COL4A1: variants seen among roughly 807,000 people sequenced by gnomAD.
The protein encoded by COL4A1 is collagen type IV alpha 1 chain.
In COL4A1, 40 loss-of-function variants were observed where a neutral mutation model predicts 216.6. The observed-to-expected ratio is 0.18, with a 90% CI of 0.14 to 0.24. The LOEUF is 0.24. Among genes scored for constraint, COL4A1 ranks in the 10% least tolerant of loss-of-function variants. The probability of loss-of-function intolerance (pLI) is 1.00; values close to 1 mark genes in which losing one functional copy is unlikely to be tolerated. For missense variants in COL4A1, 1,628 were observed against 2,196.8 expected, an observed-to-expected ratio of 0.74 and a Z score of 5.18; for synonymous variants, 839 against 810.7, an observed-to-expected ratio of 1.03 and a Z score of -0.59.
rs1268295103 is a variant in COL4A1 at position 110,224,803 on chromosome 13, G to A, written c.145-10788C>T. 2.6e-5 allele frequency among the ~76,000 whole-genome samples: 4 copies of A among 152,188 alleles called. No individual in the cohort carries two copies. The East Asian group carries it at 7.7e-4, about 29-fold the overall frequency. On this transcript the variant is annotated intron_variant, in intron 2 of 51. Coordinates refer to ENST00000375820, the MANE Select transcript of COL4A1 (RefSeq NM_001845.6). ...AACTTAATAATGTATGTGGGTGTGGGGCAGCGTTGTGGAACAAAACGAGGA... is the reference window on the plus strand; with the variant it reads ...AACTTAATAATGTATGTGGGTGTGGAGCAGCGTTGTGGAACAAAACGAGGA...
At chr13:110,195,634 G>A (rs1037243684) in intron 21 of COL4A1, among the ~76,000 whole-genome samples, 6 of 152,274 alleles carry the variant, frequency 3.9e-5, no homozygotes, top group Admixed American at 3.9e-4. Context: ...TCAATTCTGA[G>A]CATCATTTAT....
At chr13:110,231,743 C>G (rs114723504) in intron 2 of COL4A1, among the ~76,000 whole-genome samples, 1 of 152,122 alleles carries the variant, frequency 6.6e-6, no homozygotes. Flanking sequence ...TTTACTGGCT[C>G]TACTATAGAC....
intron 13 of COL4A1, 81 bp from the exon 14 acceptor site, chr13:110,206,972 A>G (rs575839577): frequency 1.4e-6 from 2 of 1,434,756 alleles, no homozygotes; most frequent in African/African-American, 1.4e-5. Flanking sequence ...CACAGCAGAA[A>G]AAAAAAAAAC....
intron 1 of COL4A1, among the ~76,000 whole-genome samples, chr13:110,278,925 TTTTCC>T (rs1883522436): frequency 6.6e-6 from 1 of 152,108 alleles, no homozygotes; most frequent in South Asian, 2.1e-4. Context: ...AAATCATGTT[TTTTCC>T]TGTAAAATAT....
intron 2 of COL4A1, among the ~76,000 whole-genome samples, chr13:110,221,236 C>T (rs908279670): frequency 1.3e-5 from 2 of 152,136 alleles, no homozygotes; most frequent in Non-Finnish European, 2.9e-5. Context: ...AGGAGATGCA[C>T]AGTGAATATT....
intron 12 of COL4A1, among the ~76,000 whole-genome samples, chr13:110,208,363 C>T (rs1321974602): frequency 6.6e-6 from 1 of 152,154 alleles, no homozygotes; most frequent in African/African-American, 2.4e-5. Flanking sequence ...CCACTGCCAA[C>T]CGTGCTAGTC....
At chr13:110,236,534 C>T (rs1881324428) in intron 2 of COL4A1, among the ~76,000 whole-genome samples, 1 of 152,182 alleles carries the variant, frequency 6.6e-6, no homozygotes. Context: ...GATGCCTCTT[C>T]CAGATGTGGA....
intron 2 of COL4A1, among the ~76,000 whole-genome samples, chr13:110,215,045 G>A (rs1879999954): frequency 6.6e-6 from 1 of 152,170 alleles, no homozygotes; most frequent in Non-Finnish European, 1.5e-5. Flanking sequence ...GTTTTTCACT[G>A]AACTGGTTAT....
At chr13:110,241,403 T>C (rs970341966) in intron 2 of COL4A1, among the ~76,000 whole-genome samples, 9 of 152,228 alleles carry the variant, frequency 5.9e-5, no homozygotes, top group African/African-American at 1.9e-4. Flanking sequence ...TTCCTCTTTG[T>C]TGGGACCCCA....
In COL4A1 at chr13:110,161,666, C is replaced by CAG. The variant is rs113466690; in HGVS notation, c.4463-299_4463-298dup. ...TTTCACAACAGTTTTGCAGAAAATG[C>CAG]AGATGCTCTTTCTATAGCAGCTTGC... is the stretch of plus-strand genomic sequence containing the variant. On this transcript the variant is annotated intron_variant, in intron 48 of 51. Transcript: ENST00000375820. Among the ~76,000 whole-genome samples, 22,484 of 152,190 alleles carry CAG rather than the reference C, an allele frequency of 0.15. 1,815 individuals are homozygous for CAG. The highest frequency in any genetic ancestry group is 0.32 in the East Asian group (1,678 of 5,180).
At chr13:110,183,163 G>A (rs1334397656) in intron 27 of COL4A1, 21 bp downstream of exon 27, 5 of 1,613,258 alleles carry the variant, frequency 3.1e-6, no homozygotes, top group African/African-American at 1.3e-5. Context: ...GTATCCCGGT[G>A]AGCTGGAATT....
At chr13:110,263,578 C>G (rs752790607) in intron 1 of COL4A1, among the ~76,000 whole-genome samples, 7 of 152,180 alleles carry the variant, frequency 4.6e-5, no homozygotes, top group Non-Finnish European at 7.3e-5. Flanking sequence ...CCCAGCCTCC[C>G]AAGAAGCTGG....
Position 110,197,073 on chromosome 13 carries a change from CGT to C in COL4A1, c.1285+1392_1285+1393del, listed in dbSNP as rs561893873. Among the ~76,000 whole-genome samples the C allele has an allele frequency of 1.1e-3, 168 of 152,262 alleles. 1 individual carries two copies. Among genetic ancestry groups the C allele is most frequent in the Non-Finnish European group, 2.1e-3 (143 of 68,016 alleles). On this transcript the variant is annotated intron_variant, in intron 21 of 51. Transcript: ENST00000375820. ...GTGTAAAGTTCATATTTTTACATGACGTGTGTTTATATTTCATCACTTGCAAA... is the reference window on the plus strand; with the variant it reads ...GTGTAAAGTTCATATTTTTACATGACGTGTTTATATTTCATCACTTGCAAA...
chr13:110,285,094 T>C (rs940588239), intron 1 of COL4A1, among the ~76,000 whole-genome samples: 3 of 152,242 alleles, frequency 2.0e-5, no homozygotes, highest in Non-Finnish European at 4.4e-5. Flanking sequence ...GAGCAGTGTT[T>C]GGATCTTTTC....
chr13:110,162,109 T>G (rs181463934), intron 48 of COL4A1, 121 bp downstream of exon 48: 9 of 940,642 alleles, frequency 9.6e-6, no homozygotes, highest in Non-Finnish European at 1.6e-5. Context: ...ACCGCCCTCA[T>G]GGCGCAGTGT....
chr13:110,153,942 A>G (rs990364372), intron 50 of COL4A1, among the ~76,000 whole-genome samples: 27 of 152,204 alleles, frequency 1.8e-4, no homozygotes, highest in Admixed American at 1.8e-3. Context: ...GCTGGGGCGC[A>G]GGGCAGACGC....
At chr13:110,293,737 T>C (rs116704542) in intron 1 of COL4A1, among the ~76,000 whole-genome samples, 250 of 152,368 alleles carry the variant, frequency 1.6e-3, no homozygotes, top group African/African-American at 5.7e-3. Flanking sequence ...AAAAAGGCTC[T>C]GTAACCTAGC....
chr13:110,248,737 C>T (rs1021488943), intron 1 of COL4A1, among the ~76,000 whole-genome samples: 1 of 152,212 alleles, frequency 6.6e-6, no homozygotes, highest in African/African-American at 2.4e-5. Context: ...AAGTGATCCA[C>T]ACGCCTCAGC....
intron 2 of COL4A1, among the ~76,000 whole-genome samples, chr13:110,236,942 G>GC (rs1159781273): frequency 6.6e-6 from 1 of 152,172 alleles, no homozygotes; most frequent in Non-Finnish European, 1.5e-5. Flanking sequence ...TGGCTGACCT[G>GC]CCCCTTGTCA....
Sources: allele counts gnomAD v4.1 joint callset (sites outside exome capture counted in the v4.1 genomes callset), GRCh38; gene constraint gnomAD v4.1.1; transcripts MANE v1.5; gene names NCBI Gene and HGNC (gene_info 2026-07-23, HGNC 2026-07-21).